SV2B: variants seen among roughly 807,000 people sequenced by gnomAD.
SV2B encodes the protein synaptic vesicle glycoprotein 2B, also known as solute carrier family 22 member B2.
A neutral mutation model predicts 73.9 loss-of-function variants in SV2B; 41 were observed. The ratio of observed to expected loss-of-function variants is 0.56; its 90% CI spans 0.43 to 0.72. The LOEUF is 0.72. Ranked by LOEUF, SV2B falls within the 30% of genes least tolerant of loss-of-function variation. The probability of loss-of-function intolerance (pLI) is 0.00; values close to 1 mark genes in which losing one functional copy is unlikely to be tolerated. For missense variants in SV2B, 764 were observed against 857.8 expected (o/e 0.89, Z 1.37); for synonymous variants, 314 against 314.2 (o/e 1.00, Z 0.01).
chr15:91,275,258 A>T (rs987232193), intron 9 of SV2B, among the ~76,000 whole-genome samples: 1 of 151,694 alleles, frequency 6.6e-6, no homozygotes, highest in Admixed American at 6.6e-5. Flanking sequence ...TTTTACGTTC[A>T]CTATTGGTAT....
intron 1 of SV2B, among the ~76,000 whole-genome samples, chr15:91,145,502 C>A (rs1273368630): frequency 1.3e-5 from 2 of 152,138 alleles, no homozygotes; most frequent in Non-Finnish European, 2.9e-5. Context: ...TGGGTATATA[C>A]CCAGTAATGA....
chr15:91,246,740 T>TCCTCCTCCC (rs2047245672), intron 2 of SV2B, among the ~76,000 whole-genome samples: 1 of 151,766 alleles, frequency 6.6e-6, no homozygotes, highest in African/African-American at 2.4e-5. Flanking sequence ...CTCCTCCTCC[T>TCCTCCTCCC]CCTCCTCCTT....
intron 11 of SV2B, among the ~76,000 whole-genome samples, chr15:91,287,362 A>C (rs1037429122): frequency 3.3e-5 from 5 of 151,960 alleles, no homozygotes; most frequent in Non-Finnish European, 7.4e-5. Context: ...CTGGTGGGGC[A>C]CTCGTGCCCT....
intron 1 of SV2B, among the ~76,000 whole-genome samples, chr15:91,119,255 T>C (rs1322830519): frequency 1.3e-5 from 2 of 152,200 alleles, no homozygotes; most frequent in African/African-American, 4.8e-5. Flanking sequence ...CTCAGGGAGA[T>C]ATTAAATAGC....
intron 2 of SV2B, among the ~76,000 whole-genome samples, chr15:91,237,522 TG>T (rs1344289369): frequency 1.3e-5 from 2 of 152,252 alleles, no homozygotes; most frequent in African/African-American, 4.8e-5. Context: ...GGCTGTGCTC[TG>T]GAATAACTAA....
chr15:91,286,204 T>G (rs1247334726), intron 11 of SV2B, among the ~76,000 whole-genome samples: 1 of 152,140 alleles, frequency 6.6e-6, no homozygotes, highest in East Asian at 1.9e-4. Context: ...CATTGGCAAG[T>G]GCATGGTAAA....
At chr15:91,221,693 G>GCGCGCGCGCGCGCGCACACACA (rs370290337) in intron 1 of SV2B, among the ~76,000 whole-genome samples, 1 of 140,068 alleles carries the variant, frequency 7.1e-6, no homozygotes, top group African/African-American at 2.8e-5. Context: ...AAGCATGTGC[G>GCGCGCGCGCGCGCGCACACACA]CACACACACA....
intron 1 of SV2B, among the ~76,000 whole-genome samples, chr15:91,206,201 CTTTTTTT>C (rs538615675): frequency 2.0e-5 from 2 of 101,922 alleles, no homozygotes; most frequent in African/African-American, 8.0e-5. Flanking sequence ...CCATGCCTGG[CTTTTTTT>C]TTTTTTTTTT....
rs1329862266 is a variant in SV2B at position 91,129,758 on chromosome 15, A to C, written c.-392+29395A>C. Among the ~76,000 whole-genome samples, 2 of 152,224 alleles carry C rather than the reference A, an allele frequency of 1.3e-5. No individual in the cohort carries two copies. Among genetic ancestry groups the C allele is most frequent in the South Asian group, 4.1e-4 (2 of 4,832 alleles). On this transcript the variant is annotated intron_variant, in intron 1 of 12. Coordinates refer to ENST00000394232, the MANE Select transcript of SV2B (RefSeq NM_001323032.3). This position sits in a 1 kb window ranked among gnomAD's most constrained non-coding sequence, Gnocchi z 5.1. ...TCGTGGCTTCTGGCCTGTGCCCTGG[A>C]GTTGGAGAGCCTGGATTAGAATCCC...
chr15:91,157,335 GATGGGTTCAAAGCCCC>G (rs1367081467), intron 1 of SV2B, among the ~76,000 whole-genome samples: 7 of 152,064 alleles, frequency 4.6e-5, no homozygotes, highest in African/African-American at 1.7e-4. Flanking sequence ...TCAACAGAAG[GATGGGTTCAAAGCCCC>G]ATGGGAGACC....
At chr15:91,153,196 T>C (rs1294394724) in intron 1 of SV2B, among the ~76,000 whole-genome samples, 1 of 152,210 alleles carries the variant, frequency 6.6e-6, no homozygotes, top group Non-Finnish European at 1.5e-5. Context: ...CCTCGTGACT[T>C]ACTTACTTCA....
rs970395520 is a variant in SV2B, at chr15:91,206,978, G to A, written c.-391-18895G>A. Among the ~76,000 whole-genome samples, 10 of 152,120 alleles carry A rather than the reference G, an allele frequency of 6.6e-5. No homozygotes were observed. In the South Asian group the frequency reaches 1.2e-3, roughly 19 times the overall value. ...AGGCTTGAGAGAGTGAGAAGGGAGA[G>A]TTTTGGTTGAGACTGAGGGCAAGAT... On this transcript the variant is annotated intron_variant, in intron 1 of 12. Transcript: ENST00000394232.
chr15:91,227,661 T>C lies in SV2B; in HGVS notation c.451+947T>C, dbSNP rs2046428171. On this transcript the variant is annotated intron_variant, in intron 2 of 12. Transcript: ENST00000394232. The surrounding 1 kb of genome is among the most constrained non-coding windows in gnomAD (Gnocchi z 4.5). ...GCTCCTTCATTCAACAAATATCTTT[T>C]ATTGGTTTACCTTATGCTAGACTCT... Among the ~76,000 whole-genome samples the C allele has an allele frequency of 6.6e-6, 1 of 152,242 alleles. No individual in the cohort carries two copies. The highest frequency in any genetic ancestry group is 1.5e-5 in the Non-Finnish European group (1 of 68,042).
rs144558396 is a variant in SV2B, at chr15:91,161,673, A to T, written c.-392+61310A>T. ...AACTGAGGCATAGGAAGGTTAATTA[A>T]CTTGTACCAGGTCATAGCGCTAAGT... On this transcript the variant is annotated intron_variant, in intron 1 of 12. Transcript: ENST00000394232. Among the ~76,000 whole-genome samples the T allele has an allele frequency of 2.2e-3, 338 of 152,250 alleles. 2 individuals carry two copies. The highest frequency in any genetic ancestry group is 7.7e-3 in the African/African-American group (320 of 41,536).
chr15:91,147,689 G>A (rs2043185017), intron 1 of SV2B, among the ~76,000 whole-genome samples: 1 of 152,150 alleles, frequency 6.6e-6, no homozygotes, highest in Admixed American at 6.5e-5. Flanking sequence ...CTAAACGTCT[G>A]CTGGATATCA....
chr15:91,225,724 G>A (rs560842789), intron 1 of SV2B, 149 bp from the exon 2 acceptor site: 1 of 158,022 alleles, frequency 6.3e-6, no homozygotes, highest in South Asian at 2.0e-4. Context: ...TCCTCATTCA[G>A]TTGATAGAAA....
chr15:91,108,648 G>T (rs1363378635), intron 1 of SV2B, among the ~76,000 whole-genome samples: 1 of 152,210 alleles, frequency 6.6e-6, no homozygotes, highest in African/African-American at 2.4e-5. Flanking sequence ...TAAGTCTCTG[G>T]CAGGTACTCA....
In SV2B at chr15:91,121,843, C is replaced by T. The variant is rs1022396159; in HGVS notation, c.-392+21480C>T. Among the ~76,000 whole-genome samples the T allele has an allele frequency of 1.3e-5, 2 of 150,806 alleles. No homozygotes were observed. Among genetic ancestry groups the T allele is most frequent in the African/African-American group, 4.9e-5 (2 of 40,932 alleles). On this transcript the variant is annotated intron_variant, in intron 1 of 12. Transcript: ENST00000394232. This position sits in a 1 kb window ranked among gnomAD's most constrained non-coding sequence, Gnocchi z 4.4. The stretch of plus-strand genomic sequence containing the variant: ...AGGCTGGAGTGCAGTGGCGCGATCT[C>T]GGCTCACTGCAAGCTCTGCCTTCTG...
intron 1 of SV2B, among the ~76,000 whole-genome samples, chr15:91,202,522 T>G (rs1240963011): frequency 6.6e-6 from 1 of 152,242 alleles, no homozygotes; most frequent in African/African-American, 2.4e-5. Context: ...CCTCAGTTTC[T>G]TTATCTGTAA....
Sources: gnomAD v4.1 joint callset for allele counts (sites outside exome capture counted in the v4.1 genomes callset) on GRCh38, gnomAD v4.1.1 for gene constraint, Gnocchi (gnomAD v3.1) non-coding constraint, MANE v1.5 for transcripts, NCBI Gene and HGNC (gene_info 2026-07-23, HGNC 2026-07-21) for gene names.